The following PDZD9 variants were observed in gnomAD, a reference collection of about 807,000 sequenced individuals.
PDZD9 encodes PDZ domain-containing protein 9.
PDZD9 carries 13 observed loss-of-function variants against 16.3 expected under a neutral mutation model. The ratio of observed to expected loss-of-function variants is 0.80; its 90% confidence interval spans 0.52 to 1.27. PDZD9 has a LOEUF of 1.27. PDZD9 is among the 50% of genes most tolerant of loss of function. The pLI is 0.00. For missense variants in PDZD9, 288 were observed against 310.9 expected, an observed-to-expected ratio of 0.93 and a Z score of 0.55; for synonymous variants, 120 against 111.0, an observed-to-expected ratio of 1.08 and a Z score of -0.51.
chr16:21,988,847 T>C (rs954239095), intron 2 of PDZD9, 56 bp from the exon 3 acceptor site: 21 of 1,399,078 alleles, frequency 1.5e-5, no homozygotes, highest in Middle Eastern at 4.4e-4. Flanking sequence ...GGGACTATAT[T>C]GATTTCTGGC....
chr16:21,988,868 G>T, intron 2 of PDZD9, 77 bp from the exon 3 acceptor site: 1 of 1,228,404 alleles, frequency 8.1e-7, no homozygotes, highest in Non-Finnish European at 1.1e-6. Context: ...TTTATTGTGA[G>T]GTATTTCATT....
chr16:21,980,934 T>C (rs1175597268), downstream of PDZD9, among the ~76,000 whole-genome samples: 1 of 152,156 alleles, frequency 6.6e-6, no homozygotes, highest in African/African-American at 2.4e-5. Flanking sequence ...TAAACTGTGA[T>C]GTCAGTAAGA....
chr16:22,000,870 G>T, intron 1 of PDZD9, 147 bp downstream of exon 1: 1 of 618,814 alleles, frequency 1.6e-6, no homozygotes, highest in Non-Finnish European at 2.8e-6. Flanking sequence ...TGATGATGAT[G>T]ATGATAATGA....
the PDZD9 span, chr16:21,963,042 G>A: frequency 4.2e-6 from 4 of 962,084 alleles, no homozygotes; most frequent in East Asian, 3.3e-5. Context: ...AGGCTGGAGT[G>A]CAGTGGCACG....
chr16:21,993,685 C>G (rs868220374), intron 2 of PDZD9, among the ~76,000 whole-genome samples: 1 of 152,018 alleles, frequency 6.6e-6, no homozygotes, highest in Admixed American at 6.6e-5. Flanking sequence ...TAAAAACTTC[C>G]CAGATGATTC....
the PDZD9 span, among the ~76,000 whole-genome samples, chr16:21,966,389 G>A: frequency 1.3e-5 from 2 of 152,022 alleles, no homozygotes; most frequent in Non-Finnish European, 2.9e-5. Flanking sequence ...TCCAAAACAT[G>A]AAACATTGAA....
the PDZD9 span, chr16:21,971,557 G>T: frequency 6.2e-7 from 1 of 1,614,098 alleles, no homozygotes. Context: ...GCAAGTTGCT[G>T]AACAGTTTCT....
downstream of PDZD9, among the ~76,000 whole-genome samples, chr16:21,979,488 C>G (rs951217332): frequency 6.6e-6 from 1 of 152,058 alleles, no homozygotes; most frequent in Non-Finnish European, 1.5e-5. Flanking sequence ...TAGTCTATTG[C>G]TCTTAGGCTA....
intron 1 of PDZD9, 22 bp from the exon 2 acceptor site, chr16:21,996,523 A>T (rs1156728485): frequency 1.3e-6 from 2 of 1,523,610 alleles, no homozygotes; most frequent in Admixed American, 2.0e-5. Flanking sequence ...AGGGGAACTT[A>T]TTTCAGTCCT....
At chr16:21,970,876 G>A in the PDZD9 span, among the ~76,000 whole-genome samples, 6 of 152,122 alleles carry the variant, frequency 3.9e-5, no homozygotes, top group East Asian at 1.9e-4. Context: ...GTGAGCCACC[G>A]TGCCCAGTCA....
rs1313486152 is a variant in PDZD9, at chr16:22,001,084, G to T, written c.-37C>A. 6.6e-7 allele frequency: 1 copy of T among 1,506,994 alleles called. No homozygotes were observed. Among genetic ancestry groups the T allele is most frequent in the Non-Finnish European group, 8.8e-7 (1 of 1,132,600 alleles). The allele number at this position is 1,506,994 out of a possible 1,614,324, so 93.4% of individuals were successfully genotyped here. A position where few individuals can be genotyped will look rare whatever the true frequency, so the allele number is the denominator to read the frequency against. ...GTCAGGCAGCCCGGGAGGGCCTCCC[G>T]GAGCAGAGGCTGGAGTCAGTCCCAA... is the stretch of plus-strand genomic sequence containing the variant. On this transcript the variant is annotated 5_prime_UTR_variant, in exon 1 of 4. Coordinates refer to ENST00000424898, the MANE Select transcript of PDZD9 (RefSeq NM_001363519.1).
chr16:21,987,844 CAA>C (rs1446077393), intron 3 of PDZD9, among the ~76,000 whole-genome samples: 2 of 151,792 alleles, frequency 1.3e-5, no homozygotes, highest in Admixed American at 6.6e-5. Flanking sequence ...GGAGTGGATG[CAA>C]AAGACTCCAG....
chr16:21,968,576 G>A, the PDZD9 span: 5 of 1,487,414 alleles, frequency 3.4e-6, no homozygotes, highest in Non-Finnish European at 4.6e-6. Context: ...TGTTTTTACA[G>A]CTTTTTATAT....
chr16:21,980,222 C>T, downstream of PDZD9: 1 of 255,974 alleles, frequency 3.9e-6, no homozygotes, highest in Admixed American at 4.1e-5. Flanking sequence ...ACAACCGGAT[C>T]CAGAGGCCTT....
chr16:21,995,886 G>C (rs1257680894), intron 2 of PDZD9, among the ~76,000 whole-genome samples: 1 of 152,192 alleles, frequency 6.6e-6, no homozygotes, highest in Non-Finnish European at 1.5e-5. Flanking sequence ...CCACTTCCTG[G>C]GTACAAGCGA....
intron 3 of PDZD9, among the ~76,000 whole-genome samples, chr16:21,988,207 A>C (rs1048262951): frequency 3.9e-5 from 6 of 151,956 alleles, no homozygotes; most frequent in African/African-American, 1.2e-4. Context: ...ACGGGGTTTC[A>C]CCATGTTGGC....
intron 2 of PDZD9, 73 bp from the exon 3 acceptor site, chr16:21,988,864 G>T: frequency 1.6e-6 from 2 of 1,238,760 alleles, no homozygotes; most frequent in East Asian, 2.8e-5. Context: ...TGGCTTTATT[G>T]TGAGGTATTT....
chr16:21,984,372 A>T lies in PDZD9; in HGVS notation c.690T>A (p.Asn230Lys). The change falls in exon 4 of 4, where the codon AAT becomes AAA. Residue 230 changes from asparagine (N) to lysine (K), a missense_variant. Transcript: ENST00000424898. ...AGGAGGTAGAGGAGGAAGAGCTTTCATTGTCTTGCTTCACCATTATCCAGT... is the reference window on the plus strand; with the variant it reads ...AGGAGGTAGAGGAGGAAGAGCTTTCTTTGTCTTGCTTCACCATTATCCAGT... ...SPYWIMVKQD[N>K]ESSSSSTSST... The T allele has an allele frequency of 6.2e-7, 1 of 1,614,108 alleles. No homozygotes were observed. The highest frequency in any genetic ancestry group is 2.2e-5 in the East Asian group (1 of 44,884).
At chr16:21,971,900 C>G in the PDZD9 span, 1 of 1,612,608 alleles carries the variant, frequency 6.2e-7, no homozygotes, top group Non-Finnish European at 8.5e-7. Context: ...TTCTTCTTCC[C>G]TCTATCCTTA....
Sources: gnomAD v4.1 joint callset for allele counts (sites outside exome capture counted in the v4.1 genomes callset) on GRCh38, gnomAD v4.1.1 for gene constraint, MANE v1.5 for transcripts, NCBI Gene and HGNC (gene_info 2026-07-23, HGNC 2026-07-21) for gene names.